SNAP91: variants seen among roughly 807,000 people sequenced by gnomAD.
SNAP91 encodes the protein clathrin coat assembly protein AP180.
In SNAP91, 27 loss-of-function variants were observed where a neutral mutation model predicts 100.3. That is an observed-to-expected ratio of 0.27 (90% confidence interval 0.20 to 0.37). The LOEUF (loss-of-function observed/expected upper bound fraction) is 0.37. SNAP91 is among the 10% of genes least tolerant of loss of function. The probability of loss-of-function intolerance (pLI) is 1.00; values close to 1 mark genes in which losing one functional copy is unlikely to be tolerated. For missense variants in SNAP91, 986 were observed against 1,123.7 expected, an observed-to-expected ratio of 0.88 and a Z score of 1.75; for synonymous variants, 404 against 398.6, an observed-to-expected ratio of 1.01 and a Z score of -0.16.
intron 29 of SNAP91, among the ~76,000 whole-genome samples, chr6:83,554,683 T>C (rs923724854): frequency 6.6e-5 from 10 of 152,120 alleles, no homozygotes; most frequent in African/African-American, 2.4e-4. Flanking sequence ...TTTTCATGTA[T>C]TCAGTTATGG....
rs7752643 is a variant in SNAP91, at chr6:83,570,556, C to T, written c.2442+4454G>A. On this transcript the variant is annotated intron_variant, in intron 26 of 29. Transcript: ENST00000369694. ...ACAGACCTGGAGGTTTACGGGGTGG[C>T]GGGGGGGGAAGTGGTTTCATGGGCT... Among the ~76,000 whole-genome samples the T allele has an allele frequency of 4.2e-4, 55 of 129,776 alleles. No homozygotes were observed. The South Asian group carries it at 9.7e-3, about 23-fold the overall frequency. The allele number at this position is 129,776 out of a possible 152,430, so 85.1% of individuals were successfully genotyped here.
intron 2 of SNAP91, among the ~76,000 whole-genome samples, chr6:83,683,869 C>T (rs2099025353): frequency 6.6e-6 from 1 of 152,154 alleles, no homozygotes; most frequent in African/African-American, 2.4e-5. Flanking sequence ...CAGCATCATC[C>T]TTGTCTTCTT....
At chr6:83,636,515 G>T (rs2097454674) in intron 8 of SNAP91, among the ~76,000 whole-genome samples, 2 of 152,160 alleles carry the variant, frequency 1.3e-5, no homozygotes, top group South Asian at 4.1e-4. Context: ...AATTGTAGAA[G>T]TTCAGTTTAG....
In SNAP91 at chr6:83,665,659, C is replaced by A. The variant is rs1482782228; in HGVS notation, c.131-78G>T. On this transcript the variant is annotated intron_variant, in intron 2 of 29. Transcript: ENST00000369694. The stretch of plus-strand genomic sequence containing the variant: ...TCATTTCAAACTTGGAACATATAAG[C>A]CTGTTTACTAATATATGACCTTAAA... The A allele has an allele frequency of 8.0e-6, 10 of 1,254,828 alleles. No homozygotes were observed. The Admixed American group carries it at 1.1e-4, about 14-fold the overall frequency. 77.7% of individuals were successfully genotyped at this position (1,254,828 alleles called of 1,614,324 possible). A position where few individuals can be genotyped will look rare whatever the true frequency, so the allele number is the denominator to read the frequency against.
chr6:83,582,928 A>G (rs745981898), intron 22 of SNAP91, among the ~76,000 whole-genome samples: 2 of 152,146 alleles, frequency 1.3e-5, no homozygotes, highest in Non-Finnish European at 2.9e-5. Flanking sequence ...ATCTCCTCCA[A>G]TCTAGTCTTC....
chr6:83,662,940 C>A (rs936234871), intron 3 of SNAP91, among the ~76,000 whole-genome samples: 6 of 152,026 alleles, frequency 3.9e-5, no homozygotes, highest in Non-Finnish European at 8.8e-5. Context: ...CAGGGATGAG[C>A]CAGTCTATCA....
rs147290072 is a variant in SNAP91 at position 83,678,507 on chromosome 6, T to C, written c.131-12926A>G. Among the ~76,000 whole-genome samples, 934 of 152,296 alleles carry C rather than the reference T, an allele frequency of 6.1e-3. 8 individuals are homozygous for C. Among genetic ancestry groups the C allele is most frequent in the African/African-American group, 0.022 (901 of 41,564 alleles). The stretch of plus-strand genomic sequence containing the variant: ...CATCAGTTTTCTGTTCCAATCAAGC[T>C]GCCTACCCACACACGTGAAACTTAT... On this transcript the variant is annotated intron_variant, in intron 2 of 29. Transcript: ENST00000369694.
intron 16 of SNAP91, among the ~76,000 whole-genome samples, chr6:83,600,853 A>G (rs1447785171): frequency 1.3e-5 from 2 of 152,224 alleles, no homozygotes; most frequent in Non-Finnish European, 2.9e-5. Flanking sequence ...TTAAGAAACA[A>G]CTTAGGCCTG....
At chr6:83,668,207 T>C (rs2128795369) in intron 2 of SNAP91, among the ~76,000 whole-genome samples, 1 of 152,192 alleles carries the variant, frequency 6.6e-6, no homozygotes, top group Middle Eastern at 3.4e-3. Context: ...TGTGGAGAAA[T>C]AGGAACACTT....
rs1300324993 is a variant in SNAP91 at position 83,554,174 on chromosome 6, G to A, written c.*122C>T. On this transcript the variant is annotated 3_prime_UTR_variant, in exon 30 of 30. Coordinates refer to ENST00000369694, the MANE Select transcript of SNAP91 (RefSeq NM_001242792.2). ...CTGTGTTACACATTTTGGAAGAGAA[G>A]TTATGAGTAAGTATTGGGTTTGGTA... is the stretch of plus-strand genomic sequence containing the variant. The A allele has an allele frequency of 5.5e-6, 1 of 182,070 alleles. No individual in the cohort carries two copies. The highest frequency in any genetic ancestry group is 1.7e-4 in the East Asian group (1 of 5,744). The allele number at this position is 182,070 out of a possible 1,614,324, so 11.3% of individuals were successfully genotyped here. A position where few individuals can be genotyped will look rare whatever the true frequency, so the allele number is the denominator to read the frequency against.
intron 2 of SNAP91, among the ~76,000 whole-genome samples, chr6:83,676,941 T>A (rs2098915982): frequency 6.6e-6 from 1 of 152,146 alleles, no homozygotes; most frequent in African/African-American, 2.4e-5. Context: ...GAATAGCTGA[T>A]AGATTTGATG....
chr6:83,610,404 C>T (rs1248615113), intron 12 of SNAP91, among the ~76,000 whole-genome samples: 1 of 150,980 alleles, frequency 6.6e-6, no homozygotes, highest in Non-Finnish European at 1.5e-5. Context: ...CTAGGGTAAT[C>T]AAATTCATAG....
intron 2 of SNAP91, among the ~76,000 whole-genome samples, chr6:83,694,233 T>C (rs564471841): frequency 2.6e-5 from 4 of 152,306 alleles, no homozygotes; most frequent in African/African-American, 9.6e-5. Context: ...AGGCCATTAA[T>C]AGATTTCTTG....
At chr6:83,577,287 C>T (rs1254667570) in intron 24 of SNAP91, among the ~76,000 whole-genome samples, 1 of 151,572 alleles carries the variant, frequency 6.6e-6, no homozygotes, top group Non-Finnish European at 1.5e-5. Flanking sequence ...CTTGGCATTA[C>T]AAAACAGAAT....
intron 22 of SNAP91, among the ~76,000 whole-genome samples, chr6:83,587,177 C>A (rs2092823220): frequency 1.3e-5 from 2 of 152,022 alleles, no homozygotes; most frequent in Admixed American, 1.3e-4. Flanking sequence ...AGTTTAAAAT[C>A]TCTAAAATCA....
chr6:83,658,422 G>T (rs2128716015), intron 6 of SNAP91, among the ~76,000 whole-genome samples: 1 of 152,086 alleles, frequency 6.6e-6, no homozygotes, highest in Admixed American at 6.5e-5. Flanking sequence ...ATCCTGGCTA[G>T]CATGGTGAGA....
chr6:83,676,335 A>G (rs979831236), intron 2 of SNAP91, among the ~76,000 whole-genome samples: 5 of 152,170 alleles, frequency 3.3e-5, no homozygotes, highest in African/African-American at 1.2e-4. Flanking sequence ...AATGTTATGA[A>G]AAATAAAAAA....
intron 2 of SNAP91, among the ~76,000 whole-genome samples, chr6:83,678,321 C>T (rs917555033): frequency 1.3e-5 from 2 of 152,130 alleles, no homozygotes; most frequent in Non-Finnish European, 2.9e-5. Context: ...ATCTAACCCT[C>T]ATGCTCTAAC....
chr6:83,705,434 G>A (rs2129069863), intron 2 of SNAP91, among the ~76,000 whole-genome samples: 1 of 152,184 alleles, frequency 6.6e-6, no homozygotes, highest in Non-Finnish European at 1.5e-5. Context: ...AGGTTAATAT[G>A]GTTCATTTTC....
Sources: allele counts gnomAD v4.1 joint callset (sites outside exome capture counted in the v4.1 genomes callset), GRCh38; gene constraint gnomAD v4.1.1; transcripts MANE v1.5; gene names NCBI Gene and HGNC (gene_info 2026-07-23, HGNC 2026-07-21).